CACNA1C: variants seen among roughly 807,000 people sequenced by gnomAD.
The protein encoded by CACNA1C is calcium voltage-gated channel subunit alpha1 C.
Under a neutral mutation model 229.0 loss-of-function variants are expected in CACNA1C, and 30 were observed. The observed-to-expected ratio is 0.13, with a 90% CI of 0.10 to 0.18. The LOEUF is 0.18. CACNA1C is among the 10% of genes least tolerant of loss of function. The pLI is 1.00. For missense variants in CACNA1C, 1,658 were observed against 2,845.0 expected (o/e 0.58, Z 9.49); for synonymous variants, 1,114 against 1,132.5 (o/e 0.98, Z 0.33).
intron 3 of CACNA1C, among the ~76,000 whole-genome samples, chr12:2,416,901 A>G (rs1051632879): frequency 6.6e-6 from 1 of 152,210 alleles, no homozygotes; most frequent in African/African-American, 2.4e-5. Flanking sequence ...CCGGATTCGA[A>G]CCCAGCTCTT....
chr12:2,305,380 C>T (rs1193615822), intron 3 of CACNA1C, among the ~76,000 whole-genome samples: 1 of 152,202 alleles, frequency 6.6e-6, no homozygotes, highest in Non-Finnish European at 1.5e-5. Context: ...GCCCAGGTCC[C>T]CTGGCTCCCA....
intron 3 of CACNA1C, among the ~76,000 whole-genome samples, chr12:2,357,970 C>CAAAAAAAA (rs34774514): frequency 9.4e-6 from 1 of 106,310 alleles, no homozygotes; most frequent in African/African-American, 3.6e-5. Context: ...AACTCAGTCT[C>CAAAAAAAA]AAAAAAAAAA....
At chr12:2,409,962 G>C (rs879876596) in intron 3 of CACNA1C, among the ~76,000 whole-genome samples, 7 of 152,240 alleles carry the variant, frequency 4.6e-5, no homozygotes, top group Non-Finnish European at 8.8e-5. Flanking sequence ...GGGAGAACTA[G>C]TGGAAGGGAG....
At chr12:2,157,322 A>G (rs1200226995) in intron 3 of CACNA1C, among the ~76,000 whole-genome samples, 2 of 152,222 alleles carry the variant, frequency 1.3e-5, no homozygotes, top group South Asian at 2.1e-4. Flanking sequence ...CCCTACTCCT[A>G]TTCTCAGCAA....
chr12:2,547,343 T>G (rs1395156149), intron 9 of CACNA1C: 2 of 683,422 alleles, frequency 2.9e-6, no homozygotes, highest in Non-Finnish European at 5.4e-6. Context: ...GGATGTTCTA[T>G]GTGAAAGCTG....
At chr12:2,124,109 CGTGTGTGT>C (rs36202591) in intron 3 of CACNA1C, among the ~76,000 whole-genome samples, 12,783 of 145,356 alleles carry the variant, frequency 0.088, 1,058 homozygotes, top group East Asian at 0.45. Flanking sequence ...TGGTCTAGCT[CGTGTGTGT>C]GTGTGTGTGT....
chr12:2,493,574 TAAC>T lies in CACNA1C; in HGVS notation c.1113+189_1113+191del, dbSNP rs1411823838. Among the ~76,000 whole-genome samples the T allele has an allele frequency of 1.3e-5, 2 of 151,950 alleles. No homozygotes were observed. The highest frequency in any genetic ancestry group is 2.9e-5 in the Non-Finnish European group (2 of 67,982). On this transcript the variant is annotated intron_variant, in intron 7 of 46. Transcript: ENST00000399655. This position sits in a 1 kb window ranked among gnomAD's most constrained non-coding sequence, Gnocchi z 4.6. ...GAAACAAGGCATGAGCTTTTCACCCTAACGAGTCCCCTCCCCCACCCGCCAGCC... is the reference window on the plus strand; with the variant it reads ...GAAACAAGGCATGAGCTTTTCACCCTGAGTCCCCTCCCCCACCCGCCAGCC...
At chr12:2,259,446 A>G (rs1417774032) in intron 3 of CACNA1C, among the ~76,000 whole-genome samples, 1 of 152,230 alleles carries the variant, frequency 6.6e-6, no homozygotes, top group Non-Finnish European at 1.5e-5. Flanking sequence ...TCAAAAAAAG[A>G]AAAAAAGAAC....
intron 5 of CACNA1C, among the ~76,000 whole-genome samples, chr12:2,459,638 A>G (rs1265875364): frequency 6.6e-6 from 1 of 152,146 alleles, no homozygotes; most frequent in African/African-American, 2.4e-5. Flanking sequence ...CTTCTTTTTG[A>G]AGCCTAAATT....
Position 2,608,817 on chromosome 12 carries a change from C to A in CACNA1C, c.3558+105C>A. 4.6e-6 allele frequency: 5 copies of A among 1,083,528 alleles called. No homozygotes were observed. The Admixed American group carries it at 1.1e-4, about 23-fold the overall frequency. 67.1% of individuals were successfully genotyped at this position (1,083,528 alleles called of 1,614,324 possible). A position where few individuals can be genotyped will look rare whatever the true frequency, so the allele number is the denominator to read the frequency against. ...GCGACAGGGAGAGGCCGTGCAGATA[C>A]TGAGATCGTCTCTCTATTCCTCAAC... On this transcript the variant is annotated intron_variant, in intron 27 of 46. Transcript: ENST00000399655. The surrounding 1 kb of genome is among the most constrained non-coding windows in gnomAD (Gnocchi z 4.2).
chr12:2,125,797 C>T (rs1412749770), intron 3 of CACNA1C, among the ~76,000 whole-genome samples: 1 of 152,160 alleles, frequency 6.6e-6, no homozygotes, highest in Non-Finnish European at 1.5e-5. Flanking sequence ...GCTCCCTCCG[C>T]AATCAGCTCT....
chr12:2,349,409 T>C (rs2097142490), intron 3 of CACNA1C, among the ~76,000 whole-genome samples: 1 of 152,108 alleles, frequency 6.6e-6, no homozygotes, highest in South Asian at 2.1e-4. Flanking sequence ...ATTGGAATCA[T>C]CGTTTTTTTT....
rs974582261 is a variant in CACNA1C at position 2,346,993 on chromosome 12, A to G, written c.478-101983A>G. The stretch of plus-strand genomic sequence containing the variant: ...CTGGGGCCACAGACCTTACAGGACT[A>G]AGAGGCCATCTGACCCCCTTTCAAT... On this transcript the variant is annotated intron_variant, in intron 3 of 46. Coordinates refer to ENST00000399655, the MANE Select transcript of CACNA1C (RefSeq NM_000719.7). This position sits in a 1 kb window ranked among gnomAD's most constrained non-coding sequence, Gnocchi z 4.4. 2.0e-5 allele frequency among the ~76,000 whole-genome samples: 3 copies of G among 152,162 alleles called. No homozygotes were observed. The highest frequency in any genetic ancestry group is 2.0e-4 in the Admixed American group (3 of 15,288).
At chr12:2,409,661 T>C (rs948969529) in intron 3 of CACNA1C, among the ~76,000 whole-genome samples, 4 of 152,216 alleles carry the variant, frequency 2.6e-5, no homozygotes, top group African/African-American at 9.6e-5. Flanking sequence ...TTAGGTGCCT[T>C]GATTGCGGGT....
intron 38 of CACNA1C, among the ~76,000 whole-genome samples, chr12:2,674,137 C>G (rs372331108): frequency 3.3e-5 from 5 of 152,376 alleles, no homozygotes; most frequent in African/African-American, 1.2e-4. Flanking sequence ...CCATGGGGAC[C>G]AGCCCCCCAC....
chr12:2,606,701 G>A (rs1340387507), intron 25 of CACNA1C, 38 bp downstream of exon 25: 2 of 1,578,624 alleles, frequency 1.3e-6, no homozygotes, highest in East Asian at 2.3e-5. Flanking sequence ...GCCACGGCCG[G>A]TCAGCCCCAG....
intron 3 of CACNA1C, among the ~76,000 whole-genome samples, chr12:2,411,596 C>CA (rs1424761345): frequency 6.6e-6 from 1 of 152,196 alleles, no homozygotes. Flanking sequence ...CGGAGGCAAC[C>CA]AAGAGCCCCT....
intron 11 of CACNA1C, among the ~76,000 whole-genome samples, chr12:2,565,214 A>G (rs910388170): frequency 4.0e-5 from 6 of 151,426 alleles, no homozygotes; most frequent in African/African-American, 9.7e-5. Flanking sequence ...CACGCCTGTA[A>G]TCCCAGCACT....
chr12:2,517,550 C>T (rs191816530), intron 9 of CACNA1C, among the ~76,000 whole-genome samples: 13 of 152,352 alleles, frequency 8.5e-5, no homozygotes, highest in Admixed American at 6.5e-4. Context: ...TACTGTTGCC[C>T]TGGATGTGGC....
Sources: allele counts gnomAD v4.1 joint callset (sites outside exome capture counted in the v4.1 genomes callset), GRCh38; gene constraint gnomAD v4.1.1; non-coding constraint Gnocchi (gnomAD v3.1); transcripts MANE v1.5; gene names NCBI Gene and HGNC (gene_info 2026-07-23, HGNC 2026-07-21).